Variants in CFAP299 observed in about 807,000 individuals in gnomAD.
CFAP299 encodes the protein cilia and flagella associated protein 299.
In CFAP299, 21 loss-of-function variants were observed where a neutral mutation model predicts 27.0. The observed-to-expected ratio is 0.78, with a 90% confidence interval of 0.55 to 1.12. The LOEUF is 1.12. Among genes scored for constraint, CFAP299 ranks in the 50% most tolerant of loss-of-function variants. The pLI, the probability that CFAP299 is intolerant of heterozygous loss-of-function variation, is 0.00. For synonymous variants in CFAP299, 104 were observed against 98.1 expected (o/e 1.06, Z -0.36); for missense variants, 310 against 276.6 (o/e 1.12, Z -0.86).
At chr4:80,329,044 A>G in the CFAP299 span, among the ~76,000 whole-genome samples, 3 of 151,954 alleles carry the variant, frequency 2.0e-5, no homozygotes, top group Non-Finnish European at 2.9e-5. Flanking sequence ...ATATACATTC[A>G]TAGGCTTTCT....
intron 3 of CFAP299, among the ~76,000 whole-genome samples, chr4:80,804,474 A>G (rs935096823): frequency 6.6e-6 from 1 of 152,120 alleles, no homozygotes; most frequent in Non-Finnish European, 1.5e-5. Context: ...TTTAAGGTTG[A>G]ATAATATTCC....
chr4:80,655,277 A>G lies in CFAP299; in HGVS notation c.333+72094A>G, dbSNP rs1039256980. Among the ~76,000 whole-genome samples, 3 of 152,170 alleles carry G rather than the reference A, an allele frequency of 2.0e-5. No individual in the cohort carries two copies. In the South Asian group the frequency reaches 6.2e-4, roughly 32 times the overall value. ...TAATTTCTGGCTAAGCAATCTCTCT[A>G]ACATTATGACAAGAAAATATTTAAG... is the stretch of plus-strand genomic sequence containing the variant. On this transcript the variant is annotated intron_variant, in intron 3 of 5. Transcript: ENST00000358105.
At chr4:80,542,685 C>T (rs879803478) in intron 2 of CFAP299, among the ~76,000 whole-genome samples, 2 of 152,082 alleles carry the variant, frequency 1.3e-5, no homozygotes, top group Non-Finnish European at 2.9e-5. Flanking sequence ...TGTGCATTCA[C>T]ACAGTGTAGC....
chr4:80,591,419 A>G (rs1037765785), intron 3 of CFAP299, among the ~76,000 whole-genome samples: 2 of 152,154 alleles, frequency 1.3e-5, no homozygotes, highest in African/African-American at 4.8e-5. Flanking sequence ...TGAATTTATT[A>G]TATCTAGTAA....
intron 5 of CFAP299, among the ~76,000 whole-genome samples, chr4:80,958,318 A>G (rs938562527): frequency 1.3e-5 from 2 of 150,882 alleles, no homozygotes; most frequent in African/African-American, 4.8e-5. Flanking sequence ...TTCAATGAAC[A>G]TTGTTTTCAA....
intron 3 of CFAP299, among the ~76,000 whole-genome samples, chr4:80,817,562 T>C (rs1462842052): frequency 1.3e-5 from 2 of 152,046 alleles, no homozygotes; most frequent in African/African-American, 4.8e-5. Context: ...TTTATGTGGA[T>C]ACATATTTAA....
intron 2 of CFAP299, among the ~76,000 whole-genome samples, chr4:80,547,382 A>T (rs150758289): frequency 1.1e-3 from 171 of 152,310 alleles, no homozygotes; most frequent in African/African-American, 3.8e-3. Flanking sequence ...TCAACTCAAG[A>T]TGAATTAAAA....
At chr4:80,635,453 C>T (rs1030984993) in intron 3 of CFAP299, among the ~76,000 whole-genome samples, 2 of 152,120 alleles carry the variant, frequency 1.3e-5, no homozygotes, top group Non-Finnish European at 2.9e-5. Context: ...CACATTACTT[C>T]CTTTACTCCT....
At chr4:80,929,391 C>T (rs1018346195) in intron 4 of CFAP299, among the ~76,000 whole-genome samples, 1 of 151,946 alleles carries the variant, frequency 6.6e-6, no homozygotes, top group East Asian at 1.9e-4. Context: ...CACTATCCCT[C>T]CAGTCTCTGT....
chr4:80,599,369 G>T (rs761595517), intron 3 of CFAP299, among the ~76,000 whole-genome samples: 3 of 152,030 alleles, frequency 2.0e-5, no homozygotes, highest in Non-Finnish European at 4.4e-5. Context: ...TTTCTAACTC[G>T]TTATTAGCAG....
At chr4:80,492,434 T>C (rs984879117) in intron 2 of CFAP299, among the ~76,000 whole-genome samples, 1 of 152,192 alleles carries the variant, frequency 6.6e-6, no homozygotes. Flanking sequence ...AATAAACATA[T>C]GATGGCTCAT....
At chr4:80,912,923 C>G (rs1289516415) in intron 4 of CFAP299, among the ~76,000 whole-genome samples, 7 of 151,994 alleles carry the variant, frequency 4.6e-5, no homozygotes, top group Admixed American at 4.6e-4. Flanking sequence ...GAGGGGAAGC[C>G]AACACTCTAA....
chr4:80,659,557 C>G (rs1171626948), intron 3 of CFAP299, among the ~76,000 whole-genome samples: 1 of 151,808 alleles, frequency 6.6e-6, no homozygotes, highest in Non-Finnish European at 1.5e-5. Flanking sequence ...AATAAATAAT[C>G]AAGTAAATAA....
At chr4:80,930,283 G>T (rs777821229) in intron 4 of CFAP299, among the ~76,000 whole-genome samples, 1 of 152,104 alleles carries the variant, frequency 6.6e-6, no homozygotes, top group Non-Finnish European at 1.5e-5. Context: ...CTCTCCCTAT[G>T]CATCTCTTCA....
At chr4:80,932,628 G>A (rs1001626627) in intron 4 of CFAP299, among the ~76,000 whole-genome samples, 1 of 151,980 alleles carries the variant, frequency 6.6e-6, no homozygotes, top group African/African-American at 2.4e-5. Context: ...AAAATAAAAA[G>A]GATCAACCAT....
chr4:80,458,306 C>A (rs973601360), intron 2 of CFAP299, among the ~76,000 whole-genome samples: 1 of 152,126 alleles, frequency 6.6e-6, no homozygotes, highest in Non-Finnish European at 1.5e-5. Context: ...GAATCTAGTT[C>A]CGTGTCTGGG....
chr4:80,802,318 A>G (rs76987735), intron 3 of CFAP299, among the ~76,000 whole-genome samples: 3,038 of 152,152 alleles, frequency 0.02, 75 homozygotes, highest in South Asian at 0.059. Flanking sequence ...TACTCAAAAT[A>G]TATTGTTTTA....
chr4:80,443,510 A>G (rs1412022860), intron 2 of CFAP299, among the ~76,000 whole-genome samples: 3 of 152,246 alleles, frequency 2.0e-5, no homozygotes, highest in Non-Finnish European at 2.9e-5. Flanking sequence ...TCAATAAGCT[A>G]GGTGTTGATG....
chr4:80,687,791 T>TAGGG (rs1432752866), intron 3 of CFAP299, among the ~76,000 whole-genome samples: 1 of 152,080 alleles, frequency 6.6e-6, no homozygotes, highest in Non-Finnish European at 1.5e-5. Context: ...TTCATCTCAC[T>TAGGG]AGGGAGTGTC....
Sources: gnomAD v4.1 joint callset for allele counts (sites outside exome capture counted in the v4.1 genomes callset) on GRCh38, gnomAD v4.1.1 for gene constraint, MANE v1.5 for transcripts, NCBI Gene and HGNC (gene_info 2026-07-23, HGNC 2026-07-21) for gene names.